Variants in ANKRD24 observed in about 807,000 individuals in gnomAD.
ANKRD24 encodes the protein ankyrin repeat domain 24, also known as ankyrin repeat domain-containing protein 24.
In ANKRD24, 109 loss-of-function variants were observed where a neutral mutation model predicts 127.8. That is an observed-to-expected ratio of 0.85 (90% CI 0.73 to 1.00). The LOEUF (loss-of-function observed/expected upper bound fraction) is 1.00, where lower values mean the gene tolerates loss of function less well. Ranked by LOEUF, ANKRD24 falls within the 50% of genes least tolerant of loss-of-function variation. The pLI is 0.00. For synonymous variants in ANKRD24, 743 were observed against 671.1 expected (o/e 1.11, Z -1.66); for missense variants, 1,648 against 1,570.2 (o/e 1.05, Z -0.84).
intron 1 of ANKRD24, among the ~76,000 whole-genome samples, chr19:4,183,196 TC>T (rs1967841374): frequency 1.3e-5 from 2 of 152,068 alleles, no homozygotes. Flanking sequence ...GTCAGGCTGG[TC>T]CCGAACTCCT....
At chr19:4,187,747 A>G (rs538396719) in intron 2 of ANKRD24, among the ~76,000 whole-genome samples, 13 of 152,270 alleles carry the variant, frequency 8.5e-5, no homozygotes, top group Admixed American at 2.0e-4. Flanking sequence ...TGGAGCCTTT[A>G]GTTTTCGTAT....
chr19:4,197,860 A>G (rs1968840286), intron 2 of ANKRD24, among the ~76,000 whole-genome samples: 2 of 152,216 alleles, frequency 1.3e-5, no homozygotes, highest in South Asian at 4.1e-4. Context: ...CAAATGAGTG[A>G]AGGAATGAAC....
Position 4,216,530 on chromosome 19 carries a change from C to A in ANKRD24, c.1390-20C>A. 1 of 1,588,338 alleles carries A rather than the reference C, an allele frequency of 6.3e-7. No homozygotes were observed. Among genetic ancestry groups the A allele is most frequent in the South Asian group, 1.1e-5 (1 of 87,376 alleles). On this transcript the variant is annotated intron_variant, in intron 17 of 21. Transcript: ENST00000318934. ...CACATCAACTCCTGCCAGACTCCTG[C>A]CCCCCACTCCACTCCCCAGATCCTG... is the stretch of plus-strand genomic sequence containing the variant.
chr19:4,218,069 T>C lies in ANKRD24; in HGVS notation c.2909T>C (p.Ile970Thr). The C allele has an allele frequency of 6.4e-7, 1 of 1,557,176 alleles. No homozygotes were observed. The highest frequency in any genetic ancestry group is 1.4e-5 in the African/African-American group (1 of 71,630). ...GTGGCGCTCTCGGAGCACGAACGCA[T>C]CGTGGGCACCCTGCAGGCCAACGTG... ...CSVALSEHER[I>T]VGTLQANVAQ... is the part of the protein sequence containing the mutation. Residue 970 changes from isoleucine to threonine, a missense_variant, in exon 18 of 22, where the codon ATC (isoleucine) becomes ACC (threonine). Transcript: ENST00000318934.
Position 4,199,981 on chromosome 19 carries a change from A to C in ANKRD24, c.230A>C (p.Lys77Thr). 1 of 1,565,252 alleles carries C rather than the reference A, an allele frequency of 6.4e-7. No homozygotes were observed. The highest frequency in any genetic ancestry group is 8.7e-7 in the Non-Finnish European group (1 of 1,154,836). The change falls in exon 4 of 22, where the codon AAG (lysine) becomes ACG (threonine). Residue 77 changes from lysine (K) to threonine (T), a missense_variant. Transcript: ENST00000318934. This position sits in a 1 kb window ranked among gnomAD's most constrained non-coding sequence, Gnocchi z 5.2. ...LIARKGLVPT[K>T]LDPEGKSAFH... ...GCCCGCAAGGGGCTGGTGCCCACGAAGCTAGACCCCGAGGGCAAGTCCGCG... is the reference window on the plus strand; with the variant it reads ...GCCCGCAAGGGGCTGGTGCCCACGACGCTAGACCCCGAGGGCAAGTCCGCG...
At chr19:4,214,446 G>A (rs950482278) in intron 15 of ANKRD24, among the ~76,000 whole-genome samples, 11 of 152,044 alleles carry the variant, frequency 7.2e-5, no homozygotes, top group African/African-American at 2.4e-4. Context: ...AGCCCCACCA[G>A]TATTTCTGAA....
chr19:4,212,989 A>G lies in ANKRD24; in HGVS notation c.1197+291A>G, dbSNP rs185225507. Among the ~76,000 whole-genome samples, 122 of 152,130 alleles carry G rather than the reference A, an allele frequency of 8.0e-4. 1 individual carries two copies. Among genetic ancestry groups the G allele is most frequent in the Middle Eastern group, 3.4e-3 (1 of 294 alleles). On this transcript the variant is annotated intron_variant, in intron 15 of 21. Coordinates refer to ENST00000318934, the MANE Select transcript of ANKRD24 (RefSeq NM_001393985.1). ...CTACTACAAATACAAAAATTAGCTG[A>G]GTGTGGTGGTGCGCGCCTGTAGTCC...
At chr19:4,223,370 TAC>T (rs1338867360) in intron 20 of ANKRD24, among the ~76,000 whole-genome samples, 2 of 67,250 alleles carry the variant, frequency 3.0e-5, no homozygotes, top group African/African-American at 7.0e-5. Context: ...TGCCTGGCCA[TAC>T]ATATATATAT....
chr19:4,208,629 C>G, intron 10 of ANKRD24, 135 bp from the exon 11 acceptor site: 1 of 783,408 alleles, frequency 1.3e-6, no homozygotes, highest in Non-Finnish European at 2.1e-6. Flanking sequence ...AGCACTCTAC[C>G]CAAGCGCCAG....
intron 7 of ANKRD24, among the ~76,000 whole-genome samples, chr19:4,206,481 A>G (rs1303797859): frequency 2.0e-5 from 3 of 151,862 alleles, no homozygotes; most frequent in Admixed American, 1.3e-4. Flanking sequence ...TATAAAATAA[A>G]ATAAAAATTA....
chr19:4,210,277 G>A lies in ANKRD24; in HGVS notation c.964G>A (p.Ala322Thr), dbSNP rs1969639493. ...GGGAGGGGAACAGGATGATCGAGAT[G>A]CCTATGAGGAGATCGTGAGGCTGCG... ...ASIPMPDDRD[A>T]YEEIVRLRQE... The change falls in exon 13 of 22, where the codon GCC becomes ACC. Residue 322 changes from alanine (A) to threonine (T), a missense_variant. Coordinates refer to ENST00000318934, the MANE Select transcript of ANKRD24 (RefSeq NM_001393985.1). 4 of 1,586,564 alleles carry A rather than the reference G, an allele frequency of 2.5e-6. No homozygotes were observed. Among genetic ancestry groups the A allele is most frequent in the Non-Finnish European group, 3.4e-6 (4 of 1,166,938 alleles).
At chr19:4,215,575 T>C (rs1456398433) in intron 15 of ANKRD24, among the ~76,000 whole-genome samples, 1 of 140,028 alleles carries the variant, frequency 7.1e-6, no homozygotes, top group Admixed American at 7.6e-5. Flanking sequence ...GAGACTAGCC[T>C]GGGCGACGTG....
chr19:4,199,386 A>AT lies in ANKRD24; in HGVS notation c.37-291dup. On this transcript the variant is annotated intron_variant, in intron 2 of 21. Transcript: ENST00000318934. The surrounding 1 kb of genome is among the most constrained non-coding windows in gnomAD (Gnocchi z 5.2). ...CCACCATGCCCCGCTGATGATTTTT[A>AT]TTTTTTGTAGAGACGGGGTCCTACT... 1.9e-6 allele frequency: 1 copy of AT among 513,826 alleles called. No homozygotes were observed. Among genetic ancestry groups the AT allele is most frequent in the Non-Finnish European group, 2.5e-6 (1 of 399,514 alleles). 31.8% of individuals were successfully genotyped at this position (513,826 alleles called of 1,614,324 possible).
chr19:4,210,164 G>A (rs1568332160), intron 12 of ANKRD24, 26 bp downstream of exon 12: 2 of 1,585,680 alleles, frequency 1.3e-6, no homozygotes, highest in Middle Eastern at 3.4e-4. Flanking sequence ...GGCACGGGAG[G>A]AGGCATGGGG....
At chr19:4,224,373 T>C (rs910358344) in intron 21 of ANKRD24, 55 bp from the exon 22 acceptor site, 117 of 1,575,878 alleles carry the variant, frequency 7.4e-5, no homozygotes, top group Middle Eastern at 1.7e-4. Flanking sequence ...GTGGAGGGAC[T>C]TGGGGCAGCC....
Position 4,202,057 on chromosome 19 carries a change from C to A in ANKRD24, c.375C>A (p.Tyr125Ter). The A allele has an allele frequency of 6.2e-7, 1 of 1,613,848 alleles. No individual in the cohort carries two copies. Among genetic ancestry groups the A allele is most frequent in the Non-Finnish European group, 8.5e-7 (1 of 1,179,820 alleles). Residue 125 changes from tyrosine to a stop codon, truncating the protein, a stop_gained, in exon 6 of 22, where the codon TAC becomes TAA. Transcript: ENST00000318934. LOFTEE classifies it high-confidence loss of function. Reference protein sequence around the residue: ...GYNALHLAAKYGHPQCLKQLL... With the variant: ...GYNALHLAAK ...ATGCCCTCCACCTGGCCGCCAAATA[C>A]GGGCACCCACAGTGCTTGAAGCAAC...
At chr19:4,214,833 G>A (rs1417583820) in intron 15 of ANKRD24, among the ~76,000 whole-genome samples, 3 of 152,210 alleles carry the variant, frequency 2.0e-5, no homozygotes, top group East Asian at 3.9e-4. Context: ...CAGCCTGGGC[G>A]ACAGAGCGAG....
At chr19:4,186,764 G>A (rs1360898263) in intron 2 of ANKRD24, among the ~76,000 whole-genome samples, 5 of 151,936 alleles carry the variant, frequency 3.3e-5, no homozygotes, top group African/African-American at 1.2e-4. Context: ...CGCTCTCCCC[G>A]GCCACAGTAA....
At chr19:4,208,462 T>C (rs1359605326) in intron 10 of ANKRD24, among the ~76,000 whole-genome samples, 1 of 152,124 alleles carries the variant, frequency 6.6e-6, no homozygotes, top group Non-Finnish European at 1.5e-5. Context: ...TTTGTATTTT[T>C]AGTGGAGTCG....
Sources: gnomAD v4.1 joint callset for allele counts (sites outside exome capture counted in the v4.1 genomes callset) on GRCh38, gnomAD v4.1.1 for gene constraint, Gnocchi (gnomAD v3.1) non-coding constraint, MANE v1.5 for transcripts, NCBI Gene and HGNC (gene_info 2026-07-23, HGNC 2026-07-21) for gene names.